FILIP1L: variants seen among roughly 807,000 people sequenced by gnomAD.
FILIP1L encodes the protein filamin A interacting protein 1 like, also known as filamin A-interacting protein 1-like.
FILIP1L carries 55 observed loss-of-function variants against 96.6 expected under a neutral mutation model. The ratio of observed to expected loss-of-function variants is 0.57; its 90% CI spans 0.46 to 0.71. FILIP1L has a LOEUF of 0.71. Among genes scored for constraint, FILIP1L ranks in the 30% least tolerant of loss-of-function variants. FILIP1L has a pLI of 0.00. For missense variants in FILIP1L, 1,304 were observed against 1,321.2 expected (o/e 0.99, Z 0.20); for synonymous variants, 467 against 473.9 (o/e 0.99, Z 0.19).
chr3:100,029,709 G>A (rs2064989846), intron 1 of FILIP1L, among the ~76,000 whole-genome samples: 1 of 152,094 alleles, frequency 6.6e-6, no homozygotes, highest in Non-Finnish European at 1.5e-5. Context: ...ATTTCTGATG[G>A]TTTCTTTTTT....
intron 1 of FILIP1L, among the ~76,000 whole-genome samples, chr3:100,079,852 TAAAA>T (rs1190162841): frequency 2.0e-5 from 3 of 152,204 alleles, no homozygotes; most frequent in Non-Finnish European, 4.4e-5. Flanking sequence ...CTCTATTATT[TAAAA>T]AATAACTAAC....
In FILIP1L at chr3:99,850,844, C is replaced by T. The variant is rs754314472; in HGVS notation, c.832G>A (p.Glu278Lys). ...KETHTKLALAEARVQEEEQKA... is the reference protein window; with the variant it reads ...KETHTKLALAKARVQEEEQKA... The stretch of plus-strand genomic sequence containing the variant: ...TGCTCTTCCTCCTGAACTCTGGCTT[C>T]AGCAAGGGCTAGTTTGGTATGTGTT... The change falls in exon 5 of 6, where the codon GAA becomes AAA. Residue 278 changes from glutamate (E) to lysine (K), a missense_variant. Transcript: ENST00000477258. The T allele has an allele frequency of 6.2e-7, 1 of 1,614,188 alleles. No homozygotes were observed. The highest frequency in any genetic ancestry group is 8.5e-7 in the Non-Finnish European group (1 of 1,180,034).
At chr3:99,882,828 T>C (rs1393195311) in intron 4 of FILIP1L, among the ~76,000 whole-genome samples, 1 of 152,240 alleles carries the variant, frequency 6.6e-6, no homozygotes, top group African/African-American at 2.4e-5. Context: ...AGTTGTCTAC[T>C]TTATGGATTA....
intron 4 of FILIP1L, among the ~76,000 whole-genome samples, chr3:99,904,411 G>A (rs1706543772): frequency 6.6e-6 from 1 of 152,170 alleles, no homozygotes; most frequent in South Asian, 2.1e-4. Context: ...TATGAAGGCA[G>A]TGTTTTCAGC....
At chr3:100,070,743 T>G (rs1368299265) in intron 1 of FILIP1L, among the ~76,000 whole-genome samples, 2 of 152,120 alleles carry the variant, frequency 1.3e-5, no homozygotes, top group Non-Finnish European at 2.9e-5. Flanking sequence ...GCAGTTCTCC[T>G]GCCTCAGCCT....
In FILIP1L at chr3:100,049,159, A is replaced by G. The variant is rs781264221; in HGVS notation, c.-11+64894T>C. Among the ~76,000 whole-genome samples, 39 of 152,288 alleles carry G rather than the reference A, an allele frequency of 2.6e-4. 1 individual carries two copies. The highest frequency in any genetic ancestry group is 6.8e-3 in the Middle Eastern group (2 of 294). On this transcript the variant is annotated intron_variant, in intron 1 of 5. Coordinates refer to ENST00000477258, the MANE Select transcript of FILIP1L (RefSeq NM_001387850.1). Reference sequence around the variant, plus strand: ...GTTTTTTCTTTTACCTTCTCTCCTTACTATTTGAAGTTATACCTTTGGGAA... The same window carrying G: ...GTTTTTTCTTTTACCTTCTCTCCTTGCTATTTGAAGTTATACCTTTGGGAA...
intron 1 of FILIP1L, among the ~76,000 whole-genome samples, chr3:100,094,554 AC>A (rs1163778757): frequency 3.3e-5 from 5 of 151,906 alleles, no homozygotes; most frequent in Non-Finnish European, 5.9e-5. Flanking sequence ...TTTATGTTTT[AC>A]ATTTAGCTTC....
At chr3:100,025,192 A>G (rs2064896247) in intron 1 of FILIP1L, among the ~76,000 whole-genome samples, 2 of 152,146 alleles carry the variant, frequency 1.3e-5, no homozygotes, top group South Asian at 4.1e-4. Flanking sequence ...GAATTTTCCT[A>G]TGCCTATAGT....
At chr3:99,949,258 G>C (rs1708106010) in intron 1 of FILIP1L, among the ~76,000 whole-genome samples, 2 of 152,146 alleles carry the variant, frequency 1.3e-5, no homozygotes, top group Non-Finnish European at 2.9e-5. Context: ...AAAAACTTTA[G>C]GCTGGTTTCC....
At chr3:99,834,267 T>C (rs1446331386) in intron 5 of FILIP1L, among the ~76,000 whole-genome samples, 2 of 152,242 alleles carry the variant, frequency 1.3e-5, no homozygotes, top group African/African-American at 4.8e-5. Flanking sequence ...CTCATTAACC[T>C]CCTATGAGAG....
At chr3:99,985,761 G>A (rs1709321668) in intron 1 of FILIP1L, among the ~76,000 whole-genome samples, 1 of 152,018 alleles carries the variant, frequency 6.6e-6, no homozygotes, top group Non-Finnish European at 1.5e-5. Flanking sequence ...GCTGGTTTTT[G>A]TATTTTTACT....
At chr3:99,920,718 T>C (rs1576573563) in intron 4 of FILIP1L, among the ~76,000 whole-genome samples, 1 of 150,438 alleles carries the variant, frequency 6.6e-6, no homozygotes, top group East Asian at 2.0e-4. Flanking sequence ...GCGACATCAC[T>C]TGGCAAACAT....
chr3:99,978,318 A>G (rs1336848237), intron 1 of FILIP1L, among the ~76,000 whole-genome samples: 1 of 152,210 alleles, frequency 6.6e-6, no homozygotes, highest in Non-Finnish European at 1.5e-5. Flanking sequence ...AATATGCCAA[A>G]GAGACATCTA....
chr3:100,111,712 A>T (rs1239132677), intron 1 of FILIP1L, among the ~76,000 whole-genome samples: 1 of 152,152 alleles, frequency 6.6e-6, no homozygotes, highest in Non-Finnish European at 1.5e-5. Flanking sequence ...TCTGTCTTAG[A>T]CTTCCTGTCT....
At chr3:99,856,818 A>G (rs1388395779) in intron 4 of FILIP1L, among the ~76,000 whole-genome samples, 1 of 152,228 alleles carries the variant, frequency 6.6e-6, no homozygotes. Flanking sequence ...CCTATATTTT[A>G]TCTCCTCTGT....
At chr3:99,845,162 A>G (rs1043063196) in intron 5 of FILIP1L, among the ~76,000 whole-genome samples, 4 of 152,220 alleles carry the variant, frequency 2.6e-5, no homozygotes, top group African/African-American at 9.6e-5. Flanking sequence ...TTATGTGTAC[A>G]GATTCAAGTG....
intron 1 of FILIP1L, among the ~76,000 whole-genome samples, chr3:100,033,647 T>C (rs1346542884): frequency 2.0e-5 from 3 of 152,162 alleles, no homozygotes; most frequent in African/African-American, 7.2e-5. Context: ...GCTTTTTAAA[T>C]GGTCAGTAGG....
At position 99,983,770 on chromosome 3, in the gene FILIP1L, A is replaced by G. The variant is rs115148563; in HGVS notation, c.-10-52740T>C. Among the ~76,000 whole-genome samples the G allele has an allele frequency of 7.2e-3, 1,087 of 151,704 alleles. 4 individuals are homozygous for G. The highest frequency in any genetic ancestry group is 9.9e-3 in the African/African-American group (410 of 41,382). ...CCAACTGTTCAGACCCCAATATTCC[A>G]TGTAACTCTACCTGTAGCTAGCAAG... is the stretch of plus-strand genomic sequence containing the variant. On this transcript the variant is annotated intron_variant, in intron 1 of 5. Transcript: ENST00000477258.
chr3:99,881,260 G>A (rs554295124), intron 4 of FILIP1L, among the ~76,000 whole-genome samples: 1 of 152,254 alleles, frequency 6.6e-6, no homozygotes, highest in East Asian at 1.9e-4. Context: ...ATGGGAAGCA[G>A]GAAAAGTCTG....
Sources: gnomAD v4.1 joint callset for allele counts (sites outside exome capture counted in the v4.1 genomes callset) on GRCh38, gnomAD v4.1.1 for gene constraint, MANE v1.5 for transcripts, NCBI Gene and HGNC (gene_info 2026-07-23, HGNC 2026-07-21) for gene names.